The following ANKRD55 variants were observed in gnomAD, a reference collection of about 807,000 sequenced individuals.
ANKRD55 encodes ankyrin repeat domain 55.
In ANKRD55, 41 loss-of-function variants were observed where a neutral mutation model predicts 60.6. The observed-to-expected ratio is 0.68, with a 90% CI of 0.53 to 0.88. The LOEUF is 0.88. ANKRD55 is among the 40% of genes least tolerant of loss of function. ANKRD55 has a pLI of 0.00. For missense variants in ANKRD55, 732 were observed against 767.6 expected, an observed-to-expected ratio of 0.95 and a Z score of 0.55; for synonymous variants, 264 against 290.3, an observed-to-expected ratio of 0.91 and a Z score of 0.92.
intron 8 of ANKRD55, among the ~76,000 whole-genome samples, chr5:56,121,435 C>G (rs971631718): frequency 7.0e-6 from 1 of 142,490 alleles, no homozygotes; most frequent in Non-Finnish European, 1.5e-5. Flanking sequence ...TGCAGTGGCA[C>G]AATCTCGGCT....
chr5:56,101,316 G>A (rs1756265215), intron 11 of ANKRD55, among the ~76,000 whole-genome samples: 1 of 152,142 alleles, frequency 6.6e-6, no homozygotes, highest in African/African-American at 2.4e-5. Flanking sequence ...GGAAACTAAA[G>A]TACAGAAAGG....
intron 7 of ANKRD55, among the ~76,000 whole-genome samples, chr5:56,134,692 A>G (rs1215492020): frequency 6.6e-6 from 1 of 152,176 alleles, no homozygotes; most frequent in Non-Finnish European, 1.5e-5. Context: ...CAAGAAAAAT[A>G]TAACGGTTTT....
chr5:56,102,530 T>C lies in ANKRD55; in HGVS notation c.1687A>G (p.Thr563Ala), dbSNP rs757935376. 8.1e-6 allele frequency: 13 copies of C among 1,613,636 alleles called. No individual in the cohort carries two copies. Among genetic ancestry groups the C allele is most frequent in the African/African-American group, 1.3e-5 (1 of 74,892 alleles). ...GGTAGGGGAGCTAGGTTGTTCCGAG[T>C]GAAAGGAAGATCCCTGATTTTGTGT... ...NRHKIRDLPF[T>A]RNNLAPLPDQ... Residue 563 changes from threonine to alanine, a missense_variant, in exon 11 of 12, where the codon ACT becomes GCT. Thr to Ala is a moderately conservative substitution (Grantham distance 58). Around this residue, in one of 3 missense-constraint regions of ANKRD55, gnomAD observed 597 missense variants for 607.5 expected, o/e 0.98. Transcript: ENST00000341048.
At chr5:56,187,575 C>T (rs933965351) in intron 2 of ANKRD55, among the ~76,000 whole-genome samples, 4 of 152,194 alleles carry the variant, frequency 2.6e-5, no homozygotes, top group East Asian at 1.9e-4. Context: ...GTCGCAGACC[C>T]GCCGCTGACT....
At chr5:56,104,165 G>A (rs1276469770) in intron 10 of ANKRD55, among the ~76,000 whole-genome samples, 1 of 152,072 alleles carries the variant, frequency 6.6e-6, no homozygotes, top group African/African-American at 2.4e-5. Context: ...TATGTTTATG[G>A]AACACTTACT....
At chr5:56,184,858 T>G (rs1758933214) in intron 2 of ANKRD55, among the ~76,000 whole-genome samples, 1 of 151,204 alleles carries the variant, frequency 6.6e-6, no homozygotes, top group African/African-American at 2.4e-5. Context: ...TGTGCCACTA[T>G]ACTCCAGCCT....
chr5:56,181,048 A>C (rs1364194134), intron 3 of ANKRD55, among the ~76,000 whole-genome samples: 2 of 152,164 alleles, frequency 1.3e-5, no homozygotes, highest in Non-Finnish European at 2.9e-5. Context: ...AAAAATACAC[A>C]AATTAGCTGG....
At chr5:56,153,621 C>CCT (rs1758111209) in intron 6 of ANKRD55, among the ~76,000 whole-genome samples, 1 of 151,908 alleles carries the variant, frequency 6.6e-6, no homozygotes, top group African/African-American at 2.4e-5. Flanking sequence ...AGGTGGATCA[C>CCT]GAGGTCAGGA....
intron 8 of ANKRD55, among the ~76,000 whole-genome samples, chr5:56,120,170 G>A (rs1017267536): frequency 1.3e-5 from 2 of 151,972 alleles, no homozygotes; most frequent in Non-Finnish European, 1.5e-5. Flanking sequence ...CCGAGTAGCT[G>A]GGATTACAGG....
At chr5:56,159,803 G>A (rs775251403) in intron 6 of ANKRD55, 30 bp downstream of exon 6, 1 of 1,610,272 alleles carries the variant, frequency 6.2e-7, no homozygotes, top group South Asian at 1.1e-5. Context: ...CATGCAAAAT[G>A]ACCACTTGTT....
chr5:56,111,270 G>A lies in ANKRD55; in HGVS notation c.1478C>T (p.Pro493Leu), dbSNP rs1407616450. 6.2e-7 allele frequency: 1 copy of A among 1,614,124 alleles called. No homozygotes were observed. The highest frequency in any genetic ancestry group is 8.5e-7 in the Non-Finnish European group (1 of 1,180,028). Residue 493 changes from proline to leucine, a missense_variant, in exon 10 of 12, where the codon CCC (proline) becomes CTC (leucine). Physicochemically the swap from Pro to Leu is moderately conservative, Grantham distance 98 (BLOSUM62 -3). Transcript: ENST00000341048. Reference protein sequence around the residue: ...RTGCQMLLDNPWKSDSNQVFS... With the variant: ...RTGCQMLLDNLWKSDSNQVFS... The stretch of plus-strand genomic sequence containing the variant: ...TACCTGATTAGAATCACTCTTCCAG[G>A]GGTTATCTAGTAACATCTGGCAGCC...
rs367579200 is a variant in ANKRD55 at position 56,111,789 on chromosome 5, G to A, written c.966-7C>T. 3.0e-5 allele frequency: 45 copies of A among 1,483,518 alleles called. No homozygotes were observed. Among genetic ancestry groups the A allele is most frequent in the South Asian group, 2.8e-4 (18 of 65,218 alleles). 91.9% of individuals were successfully genotyped at this position (1,483,518 alleles called of 1,614,324 possible). ...GGGTCGAGTAGGCTCTGTTCTATGC[G>A]AATATAAAAGAGCAGGGATGATATG... On this transcript the variant is annotated splice_region_variant and splice_polypyrimidine_tract_variant and intron_variant, in intron 9 of 11. Coordinates refer to ENST00000341048, the MANE Select transcript of ANKRD55 (RefSeq NM_024669.3).
chr5:56,116,918 A>T lies in ANKRD55; in HGVS notation c.798-136T>A, dbSNP rs1427509467. On this transcript the variant is annotated intron_variant, in intron 8 of 11. Coordinates refer to ENST00000341048, the MANE Select transcript of ANKRD55 (RefSeq NM_024669.3). ...TTGCCATTTACAGTATAGAAATAGT[A>T]AGTGTTAAATGAGCCCGAAGGATGA... 6 of 945,380 alleles carry T rather than the reference A, an allele frequency of 6.3e-6. No individual in the cohort carries two copies. In the East Asian group the frequency reaches 1.8e-4, roughly 28 times the overall value. The allele number at this position is 945,380 out of a possible 1,614,324, so 58.6% of individuals were successfully genotyped here.
At chr5:56,170,895 G>A (rs1221470572) in intron 4 of ANKRD55, 92 bp from the exon 5 acceptor site, 14 of 1,205,406 alleles carry the variant, frequency 1.2e-5, no homozygotes, top group Non-Finnish European at 1.3e-5. Context: ...CCTTTCTCTG[G>A]TTTGGTTAAA....
chr5:56,166,158 T>TTTCTTCTTTCTTTCCTTCC (rs1554040812), intron 5 of ANKRD55, among the ~76,000 whole-genome samples: 4 of 72,460 alleles, frequency 5.5e-5, no homozygotes, highest in African/African-American at 1.9e-4. Context: ...TTCTTTCTTC[T>TTTCTTCTTTCTTTCCTTCC]TTCCTTCCTT....
At chr5:56,152,506 G>A (rs556865179) in intron 6 of ANKRD55, among the ~76,000 whole-genome samples, 2 of 152,248 alleles carry the variant, frequency 1.3e-5, no homozygotes, top group Admixed American at 6.5e-5. Context: ...GATGCCAACA[G>A]CTCAGAGCCT....
In ANKRD55 at chr5:56,143,876, T is replaced by C; in HGVS notation, c.537A>G (p.Gln179=). ...AAFHNQPQHT[Q]MLLKKGADPT... Reference sequence around the variant, plus strand: ...GGTCTGCCCCCTTCTTCAGCAGCATTTGTGTGTGTTGAGGCTGGTTGTGGA... The same window carrying C: ...GGTCTGCCCCCTTCTTCAGCAGCATCTGTGTGTGTTGAGGCTGGTTGTGGA... The change falls in exon 7 of 12, where the codon CAA becomes CAG. Residue 179 remains glutamine (Q), a synonymous_variant. Coordinates refer to ENST00000341048, the MANE Select transcript of ANKRD55 (RefSeq NM_024669.3). The C allele has an allele frequency of 6.2e-7, 1 of 1,614,126 alleles. No individual in the cohort carries two copies. Among genetic ancestry groups the C allele is most frequent in the Non-Finnish European group, 8.5e-7 (1 of 1,180,030 alleles).
chr5:56,179,704 AGAATATTT>A (rs1459111668), intron 3 of ANKRD55, among the ~76,000 whole-genome samples: 1 of 152,218 alleles, frequency 6.6e-6, no homozygotes, highest in Non-Finnish European at 1.5e-5. Context: ...CCAAGGACAC[AGAATATTT>A]GGGTTCCAGT....
intron 2 of ANKRD55, among the ~76,000 whole-genome samples, chr5:56,206,957 C>T (rs930920141): frequency 6.6e-6 from 1 of 152,174 alleles, no homozygotes; most frequent in African/African-American, 2.4e-5. Context: ...TCTTAAATCT[C>T]CCACAGTGTG....
Sources: allele counts gnomAD v4.1 joint callset (sites outside exome capture counted in the v4.1 genomes callset), GRCh38; gene constraint gnomAD v4.1.1; regional missense constraint gnomAD v4.1.1; transcripts MANE v1.5; gene names NCBI Gene and HGNC (gene_info 2026-07-23, HGNC 2026-07-21).